VAV3: variants seen among roughly 807,000 people sequenced by gnomAD.
VAV3 encodes the protein guanine nucleotide exchange factor VAV3.
A neutral mutation model predicts 131.2 loss-of-function variants in VAV3; 94 were observed. The observed-to-expected ratio is 0.72, with a 90% CI of 0.61 to 0.85. The LOEUF (loss-of-function observed/expected upper bound fraction) is 0.85. Ranked by LOEUF, VAV3 falls within the 40% of genes least tolerant of loss-of-function variation. VAV3 has a pLI of 0.00. For synonymous variants in VAV3, 349 were observed against 342.0 expected, an observed-to-expected ratio of 1.02 and a Z score of -0.22; for missense variants, 939 against 1,002.7, an observed-to-expected ratio of 0.94 and a Z score of 0.86.
intron 1 of VAV3, among the ~76,000 whole-genome samples, chr1:107,900,560 C>T (rs1671805399): frequency 6.6e-6 from 1 of 152,160 alleles, no homozygotes; most frequent in Non-Finnish European, 1.5e-5. Context: ...AATCTGCTGT[C>T]AAGATCATTG....
chr1:107,739,602 C>A (rs1017515323), intron 15 of VAV3, among the ~76,000 whole-genome samples: 1 of 152,094 alleles, frequency 6.6e-6, no homozygotes, highest in Non-Finnish European at 1.5e-5. Context: ...ACTGGTCATG[C>A]AAGCATTTTA....
rs146419155 is a variant in VAV3, at chr1:107,596,099, T to C, written c.2350+113A>G. Reference sequence around the variant, plus strand: ...ACTCCAGAAAAGAAGTCCTTGCTCATGCATTAGCGCATCCATTGGTTATAT... The same window carrying C: ...ACTCCAGAAAAGAAGTCCTTGCTCACGCATTAGCGCATCCATTGGTTATAT... On this transcript the variant is annotated intron_variant, in intron 25 of 26. Transcript: ENST00000370056. The C allele has an allele frequency of 1.9e-4, 267 of 1,387,170 alleles. No homozygotes were observed. In the African/African-American group the frequency reaches 3.6e-3, roughly 19 times the overall value. 85.9% of individuals were successfully genotyped at this position (1,387,170 alleles called of 1,614,324 possible).
intron 1 of VAV3, among the ~76,000 whole-genome samples, chr1:107,877,655 T>C (rs1670568745): frequency 6.6e-6 from 1 of 152,204 alleles, no homozygotes; most frequent in Admixed American, 6.5e-5. Context: ...AAGTCACTTA[T>C]ATACTCTCAC....
chr1:107,638,623 G>C (rs1014397377), intron 20 of VAV3, among the ~76,000 whole-genome samples: 12 of 152,102 alleles, frequency 7.9e-5, no homozygotes, highest in African/African-American at 2.9e-4. Context: ...ACAATTCAAT[G>C]AGATTCCAAT....
chr1:107,637,636 TAAAC>T (rs1306073021), intron 20 of VAV3, among the ~76,000 whole-genome samples: 2 of 152,030 alleles, frequency 1.3e-5, no homozygotes, highest in African/African-American at 2.4e-5. Flanking sequence ...CGTCTCAAAA[TAAAC>T]AAACAAACAA....
intron 2 of VAV3, among the ~76,000 whole-genome samples, chr1:107,836,892 C>T (rs1668502967): frequency 6.6e-6 from 1 of 151,946 alleles, no homozygotes; most frequent in Admixed American, 6.6e-5. Flanking sequence ...AGATCAGTAA[C>T]ACATTCTGAA....
intron 20 of VAV3, among the ~76,000 whole-genome samples, chr1:107,623,045 G>C (rs1248204559): frequency 6.6e-6 from 1 of 152,188 alleles, no homozygotes; most frequent in Non-Finnish European, 1.5e-5. Flanking sequence ...CCTTTGGTAA[G>C]GAGAGATTTT....
intron 1 of VAV3, among the ~76,000 whole-genome samples, chr1:107,908,107 G>A (rs377405878): frequency 2.0e-4 from 31 of 152,292 alleles, no homozygotes; most frequent in African/African-American, 7.2e-4. Flanking sequence ...CTTTCACAGT[G>A]CCTGGAAGCC....
intron 19 of VAV3, among the ~76,000 whole-genome samples, chr1:107,652,483 G>A (rs780466601): frequency 4.0e-4 from 61 of 152,144 alleles, no homozygotes; most frequent in Non-Finnish European, 7.4e-4. Context: ...ATTAGTTCTT[G>A]TGCAAGATCC....
chr1:107,896,470 CTG>C (rs1671583372), intron 1 of VAV3, among the ~76,000 whole-genome samples: 1 of 152,104 alleles, frequency 6.6e-6, no homozygotes, highest in Admixed American at 6.5e-5. Flanking sequence ...TATTATTGTT[CTG>C]TGTTAGTGAC....
intron 2 of VAV3, among the ~76,000 whole-genome samples, chr1:107,791,751 G>C (rs1017955502): frequency 5.3e-5 from 8 of 152,168 alleles, no homozygotes; most frequent in African/African-American, 1.7e-4. Flanking sequence ...TGAGGTCCAA[G>C]AGAATCAGCT....
At position 107,642,639 on chromosome 1, in the gene VAV3, C is replaced by T; in HGVS notation, c.1894G>A (p.Ala632Thr). The T allele has an allele frequency of 6.2e-7, 1 of 1,613,138 alleles. No homozygotes were observed. The highest frequency in any genetic ancestry group is 1.1e-5 in the South Asian group (1 of 91,026). Residue 632 changes from alanine to threonine, a missense_variant, in exon 20 of 27, where the codon GCA becomes ACA. By Grantham distance (58) the Ala-to-Thr change is moderately conservative. Coordinates refer to ENST00000370056, the MANE Select transcript of VAV3 (RefSeq NM_006113.5). Reference sequence around the variant, plus strand: ...AGTACCTGCCAAAACAGACTGTGTGCATCTCCTTTCAGAAGTTCAACGGTA... The same window carrying T: ...AGTACCTGCCAAAACAGACTGTGTGTATCTCCTTTCAGAAGTTCAACGGTA... ...GDTVELLKGD[A>T]HSLFWQGRNL...
intron 7 of VAV3, among the ~76,000 whole-genome samples, chr1:107,767,227 A>G (rs1399782784): frequency 1.3e-5 from 2 of 152,222 alleles, no homozygotes; most frequent in African/African-American, 4.8e-5. Flanking sequence ...GAGCAACTCA[A>G]AATGTCAGAA....
intron 12 of VAV3, among the ~76,000 whole-genome samples, chr1:107,753,882 A>G (rs1345257984): frequency 6.6e-6 from 1 of 151,986 alleles, no homozygotes; most frequent in East Asian, 1.9e-4. Context: ...ATTTTACCAC[A>G]ATTTTTTAAA....
chr1:107,816,741 A>G (rs1051509779), intron 2 of VAV3, among the ~76,000 whole-genome samples: 3 of 152,238 alleles, frequency 2.0e-5, no homozygotes, highest in Admixed American at 1.3e-4. Flanking sequence ...TACACAAAAG[A>G]AGGAATATAT....
chr1:107,814,093 GA>G (rs1436921730), intron 2 of VAV3, among the ~76,000 whole-genome samples: 2 of 151,670 alleles, frequency 1.3e-5, no homozygotes, highest in African/African-American at 4.8e-5. Flanking sequence ...TGGCAATTGT[GA>G]ATAGTGCTGC....
At chr1:107,603,918 C>T (rs943757) in intron 22 of VAV3, among the ~76,000 whole-genome samples, 54,323 of 151,630 alleles carry the variant, frequency 0.36, 10,059 homozygotes, top group Middle Eastern at 0.42. Context: ...GAGGCCTGTG[C>T]CTCAGCCTCC....
At position 107,728,600 on chromosome 1, in the gene VAV3, CGTATATGTATAT is replaced by C. The variant is rs55725323; in HGVS notation, c.1502+20356_1502+20367del. On this transcript the variant is annotated intron_variant, in intron 15 of 26. Coordinates refer to ENST00000370056, the MANE Select transcript of VAV3 (RefSeq NM_006113.5). The stretch of plus-strand genomic sequence containing the variant: ...GAGGACAGTCATATGTATACGTATA[CGTATATGTATAT>C]GTATATGTATATGTATATGTATATG... Among the ~76,000 whole-genome samples the C allele has an allele frequency of 1.8e-3, 245 of 136,954 alleles. 1 individual carries two copies. Among genetic ancestry groups the C allele is most frequent in the African/African-American group, 5.0e-3 (182 of 36,110 alleles). 89.8% of individuals were successfully genotyped at this position (136,954 alleles called of 152,430 possible).
At chr1:107,933,284 G>GT (rs72392700) in intron 1 of VAV3, among the ~76,000 whole-genome samples, 4,772 of 143,588 alleles carry the variant, frequency 0.033, 243 homozygotes, top group African/African-American at 0.11. Context: ...GTTTTTTTGT[G>GT]TTTTTTTTTT....
Sources: gnomAD v4.1 joint callset for allele counts (sites outside exome capture counted in the v4.1 genomes callset) on GRCh38, gnomAD v4.1.1 for gene constraint, MANE v1.5 for transcripts, NCBI Gene and HGNC (gene_info 2026-07-23, HGNC 2026-07-21) for gene names.